CNTLN: variants seen among roughly 807,000 people sequenced by gnomAD.
CNTLN encodes centlein, centrosomal protein.
In CNTLN, 212 loss-of-function variants were observed where a neutral mutation model predicts 180.0. The ratio of observed to expected loss-of-function variants is 1.18; its 90% CI spans 1.05 to 1.32. The LOEUF (loss-of-function observed/expected upper bound fraction) is 1.32. Among genes scored for constraint, CNTLN ranks in the 40% most tolerant of loss-of-function variants. The pLI is 0.00. For synonymous variants in CNTLN, 722 were observed against 563.1 expected (o/e 1.28, Z -3.99); for missense variants, 2,095 against 1,610.9 (o/e 1.30, Z -5.14).
chr9:17,438,923 G>T (rs1829944823), intron 18 of CNTLN, among the ~76,000 whole-genome samples: 1 of 152,144 alleles, frequency 6.6e-6, no homozygotes, highest in Admixed American at 6.6e-5. Flanking sequence ...AAAGGGAAAA[G>T]CAAGAGAAAA....
chr9:17,167,935 C>T (rs978433816), intron 2 of CNTLN: 1 of 151,504 alleles, frequency 6.6e-6, no homozygotes, highest in African/African-American at 2.4e-5. Flanking sequence ...AGAGGGGCTC[C>T]CTGGCAAGTG....
intron 2 of CNTLN, among the ~76,000 whole-genome samples, chr9:17,164,187 C>G (rs187358881): frequency 1.3e-4 from 20 of 151,650 alleles, no homozygotes; most frequent in Admixed American, 1.1e-3. Context: ...TGTCGCGTGC[C>G]TGTAATCCTA....
Position 17,486,974 on chromosome 9 carries a change from A to ATTT in CNTLN, c.4042-9_4042-7dup. 1 of 1,489,576 alleles carries ATTT rather than the reference A, an allele frequency of 6.7e-7. No homozygotes were observed. 92.3% of individuals were successfully genotyped at this position (1,489,576 alleles called of 1,614,324 possible). On this transcript the variant is annotated splice_polypyrimidine_tract_variant and intron_variant, in intron 24 of 25. Transcript: ENST00000380647. ...AAATTTCGTTAACACCAGTGTTTTT[A>ATTT]TTTTTTTTCTTCAGGAAATTGAAAA...
At chr9:17,507,406 G>A (rs1033552954), downstream of CNTLN, among the ~76,000 whole-genome samples, 1 of 152,092 alleles carries the variant, frequency 6.6e-6, no homozygotes, top group Non-Finnish European at 1.5e-5. Flanking sequence ...ATAGGCACTT[G>A]GGTTGATTCC....
chr9:17,338,568 C>T (rs929189868), intron 10 of CNTLN, among the ~76,000 whole-genome samples: 1 of 151,964 alleles, frequency 6.6e-6, no homozygotes, highest in Middle Eastern at 3.4e-3. Flanking sequence ...TCTCAATAAA[C>T]ATAATTAACT....
At chr9:17,494,495 A>AT (rs1222679666) in intron 25 of CNTLN, among the ~76,000 whole-genome samples, 2 of 151,920 alleles carry the variant, frequency 1.3e-5, no homozygotes, top group East Asian at 3.9e-4. Flanking sequence ...GCCAATAGTT[A>AT]TTTTTTTCTG....
At chr9:17,266,586 G>A (rs944157397) in intron 5 of CNTLN, among the ~76,000 whole-genome samples, 6 of 152,034 alleles carry the variant, frequency 3.9e-5, no homozygotes, top group African/African-American at 1.2e-4. Flanking sequence ...CAATTCCTGG[G>A]TATCCTTGTT....
intron 5 of CNTLN, among the ~76,000 whole-genome samples, chr9:17,251,497 C>G (rs1301395007): frequency 6.6e-6 from 1 of 151,672 alleles, no homozygotes; most frequent in Admixed American, 6.6e-5. Flanking sequence ...TATCTAATTA[C>G]TTTTTGTGCT....
At chr9:17,148,246 T>G (rs1001108600) in intron 2 of CNTLN, among the ~76,000 whole-genome samples, 1 of 152,216 alleles carries the variant, frequency 6.6e-6, no homozygotes, top group African/African-American at 2.4e-5. Context: ...TACCTACAGT[T>G]ACTTTAGTGT....
At chr9:17,287,980 T>G (rs1829098107) in intron 6 of CNTLN, among the ~76,000 whole-genome samples, 1 of 141,738 alleles carries the variant, frequency 7.1e-6, no homozygotes, top group African/African-American at 2.9e-5. Context: ...CTTGATTTTT[T>G]GAAGGGTTTT....
intron 8 of CNTLN, among the ~76,000 whole-genome samples, chr9:17,317,835 G>T (rs1452726179): frequency 6.6e-6 from 1 of 152,068 alleles, no homozygotes; most frequent in Non-Finnish European, 1.5e-5. Context: ...GGAGAGGAGT[G>T]AAACATGATC....
intron 2 of CNTLN, among the ~76,000 whole-genome samples, chr9:17,153,932 C>T (rs373519612): frequency 1.2e-4 from 18 of 152,046 alleles, no homozygotes; most frequent in South Asian, 4.2e-4. Context: ...TCTTTTCTTC[C>T]GCTTGATCGA....
At chr9:17,187,741 C>A (rs1821521097) in intron 2 of CNTLN, among the ~76,000 whole-genome samples, 1 of 151,308 alleles carries the variant, frequency 6.6e-6, no homozygotes, top group South Asian at 2.1e-4. Flanking sequence ...TATAGAGTGT[C>A]ATATTTTTAC....
At chr9:17,359,748 A>AAAAAAAAAAAAC in intron 12 of CNTLN, among the ~76,000 whole-genome samples, 3 of 134,750 alleles carry the variant, frequency 2.2e-5, no homozygotes, top group African/African-American at 8.1e-5. Flanking sequence ...AAAAAAAAAA[A>AAAAAAAAAAAAC]AACTAGCTGG....
chr9:17,333,806 A>G (rs1820801758), intron 10 of CNTLN, among the ~76,000 whole-genome samples: 1 of 152,184 alleles, frequency 6.6e-6, no homozygotes, highest in Non-Finnish European at 1.5e-5. Flanking sequence ...AAGAACTTAG[A>G]TAAACACCTA....
intron 2 of CNTLN, among the ~76,000 whole-genome samples, chr9:17,217,686 T>A (rs1399612562): frequency 1.3e-5 from 2 of 152,196 alleles, no homozygotes; most frequent in Non-Finnish European, 2.9e-5. Flanking sequence ...GAAAGGCATA[T>A]AATGCACAAT....
intron 5 of CNTLN, among the ~76,000 whole-genome samples, chr9:17,257,579 T>G (rs1826605369): frequency 6.6e-6 from 1 of 151,384 alleles, no homozygotes; most frequent in Non-Finnish European, 1.5e-5. Context: ...TTGAATTAGT[T>G]TACAGTCCCA....
intron 5 of CNTLN, among the ~76,000 whole-genome samples, chr9:17,271,014 A>G (rs532780269): frequency 1.2e-3 from 163 of 140,184 alleles, no homozygotes; most frequent in African/African-American, 4.4e-3. Context: ...GCAGTGGCTC[A>G]ATCTTGGCTC....
At chr9:17,208,853 TATTA>T (rs1356476620) in intron 2 of CNTLN, among the ~76,000 whole-genome samples, 1 of 152,168 alleles carries the variant, frequency 6.6e-6, no homozygotes, top group African/African-American at 2.4e-5. Context: ...TCTCTTTTCT[TATTA>T]ATTAGTCTGG....
Sources: allele counts gnomAD v4.1 joint callset (sites outside exome capture counted in the v4.1 genomes callset), GRCh38; gene constraint gnomAD v4.1.1; transcripts MANE v1.5; gene names NCBI Gene and HGNC (gene_info 2026-07-23, HGNC 2026-07-21).